Variants in PEAK1 observed in about 807,000 individuals in gnomAD.
PEAK1 encodes inactive tyrosine-protein kinase PEAK1.
A neutral mutation model predicts 124.7 loss-of-function variants in PEAK1; 54 were observed. That is an observed-to-expected ratio of 0.43 (90% CI 0.35 to 0.54). The LOEUF (loss-of-function observed/expected upper bound fraction) is 0.54. Among genes scored for constraint, PEAK1 ranks in the 20% least tolerant of loss-of-function variants. PEAK1 has a pLI of 0.01. For missense variants in PEAK1, 2,046 were observed against 2,134.5 expected (o/e 0.96, Z 0.82); for synonymous variants, 719 against 760.0 (o/e 0.95, Z 0.89).
intron 1 of PEAK1, among the ~76,000 whole-genome samples, chr15:77,392,870 G>A (rs1014941931): frequency 3.9e-5 from 6 of 152,206 alleles, no homozygotes; most frequent in African/African-American, 1.4e-4. Flanking sequence ...AGGCACTGAA[G>A]AGGGTAGGAA....
In PEAK1 at chr15:77,328,038, C is replaced by T. The variant is rs1410257475; in HGVS notation, c.-603+37125G>A. On this transcript the variant is annotated intron_variant, in intron 2 of 9. Transcript: ENST00000682557. ...TTCTTGACAACCACTACTCTGAAGT[C>T]CCAATGGAGACTACTCTGATCTGAT... is the stretch of plus-strand genomic sequence containing the variant. Among the ~76,000 whole-genome samples the T allele has an allele frequency of 2.0e-5, 3 of 152,234 alleles. No individual in the cohort carries two copies. The East Asian group carries it at 5.8e-4, about 29-fold the overall frequency.
At position 77,178,813 on chromosome 15, in the gene PEAK1, T is replaced by G; in HGVS notation, c.3114A>C (p.Ser1038=). The G allele has an allele frequency of 6.2e-7, 1 of 1,613,684 alleles. No homozygotes were observed. The highest frequency in any genetic ancestry group is 8.5e-7 in the Non-Finnish European group (1 of 1,179,798). The change falls in exon 7 of 10, where the codon TCA becomes TCC. Residue 1038 remains serine (S), a synonymous_variant. Coordinates refer to ENST00000682557, the MANE Select transcript of PEAK1 (RefSeq NM_001385026.1). ...ACCTGAGAATCTTTTTAGGAATCTG[T>G]GATGGAGAAGAATGACTCCTCTTCT... ...SEKKRSHSSP[S]QIPKKILSHM...
chr15:77,148,941 A>G (rs978825124), intron 8 of PEAK1, among the ~76,000 whole-genome samples: 5 of 152,178 alleles, frequency 3.3e-5, no homozygotes, highest in Non-Finnish European at 7.3e-5. Context: ...TTAAAATTTA[A>G]AGTATTTTTT....
intron 8 of PEAK1, among the ~76,000 whole-genome samples, chr15:77,148,627 G>A (rs1399001671): frequency 6.6e-6 from 1 of 152,060 alleles, no homozygotes; most frequent in Non-Finnish European, 1.5e-5. Context: ...ATATTTAAAG[G>A]AGAAGGAAGC....
intron 6 of PEAK1, among the ~76,000 whole-genome samples, chr15:77,235,402 T>C (rs1314146152): frequency 1.3e-5 from 2 of 152,026 alleles, no homozygotes; most frequent in Admixed American, 6.6e-5. Flanking sequence ...CAGGCTGAGG[T>C]GGTCTCAGAT....
At chr15:77,304,255 A>G (rs2063946517) in intron 2 of PEAK1, among the ~76,000 whole-genome samples, 1 of 152,194 alleles carries the variant, frequency 6.6e-6, no homozygotes, top group South Asian at 2.1e-4. Flanking sequence ...TGTCAAGTCT[A>G]TAGATCAAAT....
At chr15:77,268,181 A>G (rs888775279) in intron 5 of PEAK1, among the ~76,000 whole-genome samples, 1 of 152,200 alleles carries the variant, frequency 6.6e-6, no homozygotes, top group Non-Finnish European at 1.5e-5. Flanking sequence ...AAGAATTTTT[A>G]AAAAATGAAC....
chr15:77,226,053 ATATATATATATATATATATAT>A (rs1372670710), intron 6 of PEAK1, among the ~76,000 whole-genome samples: 6 of 84,910 alleles, frequency 7.1e-5, no homozygotes, highest in Admixed American at 1.3e-4. Context: ...GGATATATAT[ATATATATATATATATATATAT>A]ATATATATAT....
At chr15:77,372,657 A>G (rs1284661363) in intron 1 of PEAK1, among the ~76,000 whole-genome samples, 1 of 152,218 alleles carries the variant, frequency 6.6e-6, no homozygotes, top group Non-Finnish European at 1.5e-5. Flanking sequence ...CAGACAGGCT[A>G]GCAGTTCTCA....
In PEAK1 at chr15:77,263,666, T is replaced by TA. The variant is rs557702451; in HGVS notation, c.-274-11141dup. 2.5e-4 allele frequency among the ~76,000 whole-genome samples: 38 copies of TA among 152,324 alleles called. No individual in the cohort carries two copies. The East Asian group carries it at 6.6e-3, about 26-fold the overall frequency. On this transcript the variant is annotated intron_variant, in intron 5 of 9. Transcript: ENST00000682557. Reference sequence around the variant, plus strand: ...ACCAGATGGATTCACAGCCGAATTCTACTAAAGGTACAAGGAGGAGCTGGT... The same window carrying TA: ...ACCAGATGGATTCACAGCCGAATTCTAACTAAAGGTACAAGGAGGAGCTGGT...
In PEAK1 at chr15:77,165,332, C is replaced by T. The variant is rs188662777; in HGVS notation, c.3138-6636G>A. 4.7e-3 allele frequency among the ~76,000 whole-genome samples: 709 copies of T among 151,948 alleles called. 4 individuals are homozygous for T. Among genetic ancestry groups the T allele is most frequent in the African/African-American group, 0.016 (657 of 41,416 alleles). On this transcript the variant is annotated intron_variant, in intron 7 of 9. Coordinates refer to ENST00000682557, the MANE Select transcript of PEAK1 (RefSeq NM_001385026.1). Reference sequence around the variant, plus strand: ...GCCTCAGCCTCCCAAGTAGCTGGGACTACAGGTGCCTGCCACCATGCCCGG... The same window carrying T: ...GCCTCAGCCTCCCAAGTAGCTGGGATTACAGGTGCCTGCCACCATGCCCGG...
intron 6 of PEAK1, among the ~76,000 whole-genome samples, chr15:77,233,470 T>C (rs1412392129): frequency 6.6e-6 from 1 of 152,224 alleles, no homozygotes; most frequent in Non-Finnish European, 1.5e-5. Context: ...TGGTTTTCTT[T>C]CCAACTCATT....
At position 77,298,803 on chromosome 15, in the gene PEAK1, T is replaced by C. The variant is rs2063642877; in HGVS notation, c.-602-12299A>G. 2.0e-5 allele frequency among the ~76,000 whole-genome samples: 3 copies of C among 152,120 alleles called. No homozygotes were observed. In the South Asian group the frequency reaches 6.2e-4, roughly 31 times the overall value. On this transcript the variant is annotated intron_variant, in intron 2 of 9. Coordinates refer to ENST00000682557, the MANE Select transcript of PEAK1 (RefSeq NM_001385026.1). ...AAGTTAATGTACAAAATCAAGCTCC[T>C]TCTACACCTCCAAAAAACTGTCCCT...
intron 2 of PEAK1, among the ~76,000 whole-genome samples, chr15:77,363,381 C>G (rs2068023601): frequency 6.6e-6 from 1 of 152,144 alleles, no homozygotes; most frequent in African/African-American, 2.4e-5. Context: ...TTAACTGAGG[C>G]CTTTCCTTAG....
intron 5 of PEAK1, among the ~76,000 whole-genome samples, chr15:77,260,687 A>G (rs1047936085): frequency 3.3e-5 from 5 of 152,216 alleles, no homozygotes; most frequent in African/African-American, 1.2e-4. Context: ...ATGGCCGAAT[A>G]GGAACAGCTC....
intron 2 of PEAK1, among the ~76,000 whole-genome samples, chr15:77,340,871 G>A (rs1026380979): frequency 9.2e-5 from 14 of 152,012 alleles, no homozygotes; most frequent in South Asian, 2.1e-4. Context: ...CATAAATTCA[G>A]AGGTTTCCAT....
intron 6 of PEAK1, among the ~76,000 whole-genome samples, chr15:77,214,996 G>C (rs1596652728): frequency 6.6e-6 from 1 of 152,294 alleles, no homozygotes; most frequent in African/African-American, 2.4e-5. Context: ...CAAATGGTGA[G>C]TGGCTTAACT....
chr15:77,204,199 A>C (rs1349934956), intron 6 of PEAK1, among the ~76,000 whole-genome samples: 1 of 152,218 alleles, frequency 6.6e-6, no homozygotes, highest in African/African-American at 2.4e-5. Context: ...ACAGTAAGGT[A>C]CCACTACACA....
chr15:77,330,386 C>A (rs1032535565), intron 2 of PEAK1, among the ~76,000 whole-genome samples: 4 of 152,162 alleles, frequency 2.6e-5, no homozygotes, highest in African/African-American at 9.7e-5. Flanking sequence ...CTACACCAAA[C>A]CACTAAAAAG....
Sources: gnomAD v4.1 joint callset for allele counts (sites outside exome capture counted in the v4.1 genomes callset) on GRCh38, gnomAD v4.1.1 for gene constraint, MANE v1.5 for transcripts, NCBI Gene and HGNC (gene_info 2026-07-23, HGNC 2026-07-21) for gene names.